The following IBTK variants were observed in gnomAD, a reference collection of about 807,000 sequenced individuals.
IBTK encodes inhibitor of Bruton tyrosine kinase.
IBTK carries 83 observed loss-of-function variants against 154.9 expected under a neutral mutation model. The ratio of observed to expected loss-of-function variants is 0.54; its 90% CI spans 0.45 to 0.64. IBTK has a LOEUF of 0.64. IBTK is among the 30% of genes least tolerant of loss of function. The pLI is 0.00. For missense variants in IBTK, 1,332 were observed against 1,584.6 expected (o/e 0.84, Z 2.71); for synonymous variants, 515 against 536.1 (o/e 0.96, Z 0.54).
chr6:82,246,272 G>A (rs189487630), intron 1 of IBTK, among the ~76,000 whole-genome samples: 4 of 152,092 alleles, frequency 2.6e-5, no homozygotes, highest in Admixed American at 2.6e-4. Context: ...AGACTCAAGC[G>A]ATTCTGCCTC....
chr6:82,184,039 G>A (rs987297660), intron 25 of IBTK, among the ~76,000 whole-genome samples: 24 of 152,150 alleles, frequency 1.6e-4, no homozygotes, highest in Middle Eastern at 3.2e-3. Context: ...CCCAGTCTGT[G>A]GGACTCTGTT....
intron 26 of IBTK, 48 bp downstream of exon 26, chr6:82,181,831 G>A: frequency 2.3e-6 from 3 of 1,325,366 alleles, no homozygotes; most frequent in Non-Finnish European, 3.1e-6. Flanking sequence ...AACCACCACA[G>A]AATATTTTAA....
At chr6:82,186,301 A>C (rs546303716) in intron 25 of IBTK, among the ~76,000 whole-genome samples, 1 of 152,324 alleles carries the variant, frequency 6.6e-6, no homozygotes, top group Non-Finnish European at 1.5e-5. Context: ...CTCTCACTTT[A>C]AATCAAAAGC....
intron 12 of IBTK, among the ~76,000 whole-genome samples, chr6:82,213,181 C>T (rs1233055665): frequency 6.6e-6 from 1 of 152,150 alleles, no homozygotes; most frequent in African/African-American, 2.4e-5. Context: ...GCATTCACCA[C>T]CATTCCCGGC....
Position 82,224,096 on chromosome 6 carries a change from G to A in IBTK, c.915C>T (p.Tyr305=). The A allele has an allele frequency of 6.2e-7, 1 of 1,608,772 alleles. No homozygotes were observed. The change falls in exon 7 of 29, where the codon TAC becomes TAT. Residue 305 remains tyrosine, a synonymous_variant. Coordinates refer to ENST00000306270, the MANE Select transcript of IBTK (RefSeq NM_015525.4). The part of the protein sequence containing the change: ...HTVLWTREAV[Y]TMGLNGGQLG... ...GTTGTCCACCATTTAGTCCCATAGT[G>A]TAAACAGCTTCTCTAGTCCATAGGA... is the stretch of plus-strand genomic sequence containing the variant.
At chr6:82,208,185 TTATC>T (rs1482810043) in intron 16 of IBTK, among the ~76,000 whole-genome samples, 2 of 150,820 alleles carry the variant, frequency 1.3e-5, no homozygotes, top group Non-Finnish European at 1.5e-5. Flanking sequence ...ATTGTGGTAA[TTATC>T]TCTCTCTATA....
chr6:82,208,248 A>G (rs1769488546), intron 16 of IBTK, among the ~76,000 whole-genome samples: 1 of 151,986 alleles, frequency 6.6e-6, no homozygotes, highest in Non-Finnish European at 1.5e-5. Flanking sequence ...GCATCATGTT[A>G]TACACTATGA....
At chr6:82,180,045 T>TTGTTCACCATAGGCAGGGGCTAATC in intron 26 of IBTK, among the ~76,000 whole-genome samples, 1 of 152,318 alleles carries the variant, frequency 6.6e-6, no homozygotes, top group Non-Finnish European at 1.5e-5. Flanking sequence ...AGGGGCTAAT[T>TTGTTCACCATAGGCAGGGGCTAATC]TGTTCACCAC....
intron 13 of IBTK, among the ~76,000 whole-genome samples, chr6:82,212,165 T>C (rs1364458805): frequency 6.6e-6 from 1 of 152,076 alleles, no homozygotes; most frequent in Non-Finnish European, 1.5e-5. Context: ...CGGCTAATTT[T>C]TGTATTTTCT....
At chr6:82,195,537 C>T (rs1768951431) in intron 22 of IBTK, among the ~76,000 whole-genome samples, 1 of 151,912 alleles carries the variant, frequency 6.6e-6, no homozygotes, top group Non-Finnish European at 1.5e-5. Flanking sequence ...GATACTATAC[C>T]ACTGCACTCC....
chr6:82,204,047 G>A (rs1352727033), intron 17 of IBTK, among the ~76,000 whole-genome samples: 3 of 152,078 alleles, frequency 2.0e-5, no homozygotes, highest in African/African-American at 7.2e-5. Context: ...GCTGTCAGGT[G>A]GAAGCTAAGG....
chr6:82,229,753 T>C (rs1379848988), intron 4 of IBTK, among the ~76,000 whole-genome samples: 5 of 152,180 alleles, frequency 3.3e-5, no homozygotes, highest in Admixed American at 6.5e-5. Context: ...AGTCCTTTCA[T>C]TATCCTAAGT....
chr6:82,247,189 G>A (rs866284747), intron 1 of IBTK, among the ~76,000 whole-genome samples: 1 of 152,192 alleles, frequency 6.6e-6, no homozygotes, highest in African/African-American at 2.4e-5. Flanking sequence ...TCCAGGAAGG[G>A]GATAAGGAAC....
intron 16 of IBTK, among the ~76,000 whole-genome samples, chr6:82,207,086 G>A (rs2127810748): frequency 6.6e-6 from 1 of 152,126 alleles, no homozygotes; most frequent in Non-Finnish European, 1.5e-5. Context: ...CATCTAATCA[G>A]GGCAATTAAG....
chr6:82,202,469 G>T, intron 18 of IBTK, 59 bp downstream of exon 18: 1 of 875,612 alleles, frequency 1.1e-6, no homozygotes, highest in Non-Finnish European at 1.9e-6. Flanking sequence ...AATAATATCT[G>T]CTATTATATA....
chr6:82,180,896 T>A (rs1213218773), intron 26 of IBTK, among the ~76,000 whole-genome samples: 1 of 151,446 alleles, frequency 6.6e-6, no homozygotes, highest in Non-Finnish European at 1.5e-5. Flanking sequence ...GCACTTGAAT[T>A]GGACATAACA....
At chr6:82,179,900 T>C (rs1387706209) in intron 26 of IBTK, among the ~76,000 whole-genome samples, 3 of 152,194 alleles carry the variant, frequency 2.0e-5, no homozygotes, top group African/African-American at 4.8e-5. Context: ...TTAATAGTTT[T>C]CAGGCTTCTG....
At chr6:82,193,095 CAAAAAAA>C (rs1340087241) in intron 23 of IBTK, among the ~76,000 whole-genome samples, 2 of 107,674 alleles carry the variant, frequency 1.9e-5, no homozygotes, top group African/African-American at 6.8e-5. Context: ...AAGACTGTCT[CAAAAAAA>C]AAAAAAAAAG....
At chr6:82,220,395 G>A (rs1770053593) in intron 9 of IBTK, among the ~76,000 whole-genome samples, 195 bp downstream of exon 9, 1 of 152,108 alleles carries the variant, frequency 6.6e-6, no homozygotes, top group Non-Finnish European at 1.5e-5. Flanking sequence ...AATGCTGTCT[G>A]TCATACTTTC....
Sources: gnomAD v4.1 joint callset for allele counts (sites outside exome capture counted in the v4.1 genomes callset) on GRCh38, gnomAD v4.1.1 for gene constraint, MANE v1.5 for transcripts, NCBI Gene and HGNC (gene_info 2026-07-23, HGNC 2026-07-21) for gene names.